PLCH1: variants seen among roughly 807,000 people sequenced by gnomAD.
PLCH1 encodes the protein phospholipase C eta 1.
A neutral mutation model predicts 126.7 loss-of-function variants in PLCH1; 60 were observed. The observed-to-expected ratio is 0.47, with a 90% CI of 0.38 to 0.59. The LOEUF (loss-of-function observed/expected upper bound fraction) is 0.59. PLCH1 is among the 20% of genes least tolerant of loss of function. PLCH1 has a pLI of 0.00. For synonymous variants in PLCH1, 719 were observed against 734.9 expected (o/e 0.98, Z 0.35); for missense variants, 1,723 against 2,040.0 (o/e 0.84, Z 2.99).
At chr3:155,653,118 GATAGAT>G (rs11275678) in intron 2 of PLCH1, among the ~76,000 whole-genome samples, 25,630 of 137,604 alleles carry the variant, frequency 0.19, 2,465 homozygotes, top group Non-Finnish European at 0.24. Context: ...TATAGATGTA[GATAGAT>G]ATAGATATAG....
At chr3:155,689,069 G>A (rs1745175948) in intron 2 of PLCH1, among the ~76,000 whole-genome samples, 1 of 152,114 alleles carries the variant, frequency 6.6e-6, no homozygotes, top group African/African-American at 2.4e-5. Flanking sequence ...TGATTACAGG[G>A]GTGCTTGCAT....
chr3:155,630,487 C>T (rs1384099006), intron 2 of PLCH1, among the ~76,000 whole-genome samples: 2 of 152,226 alleles, frequency 1.3e-5, no homozygotes, highest in Admixed American at 1.3e-4. Flanking sequence ...TCCAGAACTT[C>T]AAGTTTCAAA....
chr3:155,454,007 A>T (rs1712377816), intron 21 of PLCH1, among the ~76,000 whole-genome samples: 1 of 152,146 alleles, frequency 6.6e-6, no homozygotes, highest in South Asian at 2.1e-4. Context: ...GTGGTTATAC[A>T]ATAATTAAAT....
At chr3:155,496,689 A>C (rs1240650087) in intron 15 of PLCH1, among the ~76,000 whole-genome samples, 2 of 152,172 alleles carry the variant, frequency 1.3e-5, no homozygotes, top group East Asian at 3.8e-4. Flanking sequence ...TTCTGTAAGC[A>C]TTCAGTAACT....
chr3:155,602,822 TAC>T (rs923358633), intron 2 of PLCH1, among the ~76,000 whole-genome samples: 1 of 152,214 alleles, frequency 6.6e-6, no homozygotes, highest in African/African-American at 2.4e-5. Context: ...GAAAGCAATC[TAC>T]ACACACACAC....
intron 1 of PLCH1, among the ~76,000 whole-genome samples, chr3:155,724,117 A>C (rs1054354926): frequency 2.0e-5 from 3 of 152,022 alleles, no homozygotes; most frequent in African/African-American, 7.3e-5. Flanking sequence ...TACTTGCTAT[A>C]ATTTCAATTT....
chr3:155,716,876 G>T (rs539700784), intron 1 of PLCH1, among the ~76,000 whole-genome samples: 5 of 152,146 alleles, frequency 3.3e-5, no homozygotes, highest in Non-Finnish European at 7.3e-5. Context: ...ACTCATTCCA[G>T]CATGAACCTA....
chr3:155,684,682 T>G (rs1001277928), intron 2 of PLCH1, among the ~76,000 whole-genome samples: 2 of 152,164 alleles, frequency 1.3e-5, no homozygotes, highest in Non-Finnish European at 2.9e-5. Flanking sequence ...GGAAAGAGAT[T>G]GTACTGGCTC....
At chr3:155,705,881 A>C (rs1233718747) in intron 1 of PLCH1, among the ~76,000 whole-genome samples, 1 of 152,210 alleles carries the variant, frequency 6.6e-6, no homozygotes, top group Admixed American at 6.5e-5. Context: ...GGTCGTTTAA[A>C]AAATACAATC....
At chr3:155,687,823 G>A (rs1559936143) in intron 2 of PLCH1, among the ~76,000 whole-genome samples, 1 of 152,158 alleles carries the variant, frequency 6.6e-6, no homozygotes, top group African/African-American at 2.4e-5. Flanking sequence ...CAGGGCAACT[G>A]CTTTAAAGGG....
chr3:155,679,052 T>C (rs1245542331), intron 2 of PLCH1, among the ~76,000 whole-genome samples: 1 of 152,190 alleles, frequency 6.6e-6, no homozygotes, highest in Non-Finnish European at 1.5e-5. Flanking sequence ...ATGGTTTCCA[T>C]GGAAGATGGA....
At chr3:155,632,248 CATTTGTAGTCACAGAATACTCT>C (rs1387026158) in intron 2 of PLCH1, among the ~76,000 whole-genome samples, 1 of 152,188 alleles carries the variant, frequency 6.6e-6, no homozygotes, top group Admixed American at 6.5e-5. Flanking sequence ...AGAATCAGCT[CATTTGTAGTCACAGAATACTCT>C]ATTCCTACCC....
intron 2 of PLCH1, among the ~76,000 whole-genome samples, chr3:155,643,528 A>C (rs1321704245): frequency 1.3e-5 from 2 of 152,240 alleles, no homozygotes; most frequent in African/African-American, 4.8e-5. Flanking sequence ...ATTTGTTGTC[A>C]GAAATAGGTA....
chr3:155,461,292 AAC>A (rs138448061), intron 21 of PLCH1, among the ~76,000 whole-genome samples: 1,814 of 152,322 alleles, frequency 0.012, 30 homozygotes, highest in African/African-American at 0.041. Context: ...AGGGGCCTGC[AAC>A]ACCAGTGAGA....
chr3:155,596,970 C>A (rs1247663036), intron 2 of PLCH1, among the ~76,000 whole-genome samples: 1 of 152,146 alleles, frequency 6.6e-6, no homozygotes. Flanking sequence ...GCTAAGATAA[C>A]CCTTCTAGAA....
At chr3:155,453,931 TAA>T (rs1425729935) in intron 21 of PLCH1, among the ~76,000 whole-genome samples, 2 of 152,012 alleles carry the variant, frequency 1.3e-5, no homozygotes, top group East Asian at 3.8e-4. Context: ...GAATTATGCA[TAA>T]GTCAGAAAGG....
chr3:155,468,001 T>C (rs1336372798), intron 21 of PLCH1, among the ~76,000 whole-genome samples: 3 of 152,196 alleles, frequency 2.0e-5, no homozygotes, highest in Non-Finnish European at 4.4e-5. Flanking sequence ...TTATCCTAAG[T>C]GGAAAGACTA....
intron 10 of PLCH1, among the ~76,000 whole-genome samples, chr3:155,544,882 A>G (rs1390803243): frequency 6.6e-6 from 1 of 151,500 alleles, no homozygotes; most frequent in Non-Finnish European, 1.5e-5. Context: ...GGACACATTC[A>G]AAGCAGTGTG....
intron 2 of PLCH1, among the ~76,000 whole-genome samples, chr3:155,623,989 C>T (rs60472887): frequency 0.031 from 4,753 of 152,188 alleles, 91 homozygotes; most frequent in African/African-American, 0.055. Flanking sequence ...AACATTGATG[C>T]GAACACCTTC....
Sources: gnomAD v4.1 joint callset for allele counts (sites outside exome capture counted in the v4.1 genomes callset) on GRCh38, gnomAD v4.1.1 for gene constraint, MANE v1.5 for transcripts, NCBI Gene and HGNC (gene_info 2026-07-23, HGNC 2026-07-21) for gene names.